LINGO2: variants seen among roughly 807,000 people sequenced by gnomAD.
The protein encoded by LINGO2 is leucine rich repeat and Ig domain containing 2, also known as leucine-rich repeat and immunoglobulin-like domain-containing nogo receptor-interacting protein 2.
Under a neutral mutation model 30.6 loss-of-function variants are expected in LINGO2, and 14 were observed. That is an observed-to-expected ratio of 0.46 (90% CI 0.30 to 0.72). The LOEUF is 0.72. LINGO2 is among the 30% of genes least tolerant of loss of function. The pLI is 0.07. For synonymous variants in LINGO2, 317 were observed against 288.5 expected, an observed-to-expected ratio of 1.10 and a Z score of -1.00; for missense variants, 729 against 751.7, an observed-to-expected ratio of 0.97 and a Z score of 0.35.
At chr9:28,152,225 T>C (rs1530912) in intron 4 of LINGO2, among the ~76,000 whole-genome samples, 151,402 of 152,218 alleles carry the variant, frequency 0.99, 75,301 homozygotes, top group Middle Eastern at 1. Context: ...GTTCAGGGTT[T>C]GGGGAGGCAG....
the LINGO2 span, among the ~76,000 whole-genome samples, chr9:28,867,721 A>G: frequency 2.0e-5 from 3 of 152,180 alleles, no homozygotes; most frequent in Non-Finnish European, 4.4e-5. Context: ...AAAAAGTGTA[A>G]TCTGTCCAAG....
At chr9:28,780,955 G>A in the LINGO2 span, among the ~76,000 whole-genome samples, 7 of 151,198 alleles carry the variant, frequency 4.6e-5, no homozygotes, top group Non-Finnish European at 1.0e-4. Context: ...GAGAGAGTAG[G>A]AAATTACAGT....
chr9:28,934,621 T>G, the LINGO2 span, among the ~76,000 whole-genome samples: 1 of 152,206 alleles, frequency 6.6e-6, no homozygotes, highest in East Asian at 1.9e-4. Context: ...GGTAGGTCAA[T>G]GTACAGTTTC....
At chr9:29,098,265 G>A in the LINGO2 span, among the ~76,000 whole-genome samples, 2 of 152,078 alleles carry the variant, frequency 1.3e-5, no homozygotes, top group Admixed American at 6.6e-5. Context: ...TATTGCTCCT[G>A]GAGTCTCATC....
intron 3 of LINGO2, among the ~76,000 whole-genome samples, chr9:28,352,220 T>G (rs1587520834): frequency 1.3e-5 from 2 of 152,006 alleles, no homozygotes; most frequent in Admixed American, 6.6e-5. Flanking sequence ...TGTCCCTGTT[T>G]GCAGACGAAA....
intron 2 of LINGO2, among the ~76,000 whole-genome samples, chr9:28,420,410 A>G (rs895965811): frequency 3.7e-4 from 57 of 152,074 alleles, no homozygotes; most frequent in African/African-American, 1.3e-3. Flanking sequence ...TTGCTGGCTC[A>G]CTAAAAGACT....
At chr9:28,545,590 T>C (rs1207747905) in intron 1 of LINGO2, among the ~76,000 whole-genome samples, 1 of 151,968 alleles carries the variant, frequency 6.6e-6, no homozygotes, top group African/African-American at 2.4e-5. Flanking sequence ...CAAAGAAGTA[T>C]GTATTTAGTT....
At chr9:29,010,443 A>T in the LINGO2 span, among the ~76,000 whole-genome samples, 9 of 152,310 alleles carry the variant, frequency 5.9e-5, no homozygotes, top group East Asian at 1.7e-3. Flanking sequence ...TTAGCAAAGG[A>T]TGATAAGAAA....
chr9:28,086,448 A>T (rs961806238), intron 4 of LINGO2, among the ~76,000 whole-genome samples: 4 of 152,046 alleles, frequency 2.6e-5, no homozygotes, highest in African/African-American at 9.7e-5. Context: ...TCCTTTCCAA[A>T]CACCTGCAAT....
chr9:28,516,228 G>C lies in LINGO2; in HGVS notation c.-364-40203C>G, dbSNP rs145751445. On this transcript the variant is annotated intron_variant, in intron 1 of 5. Coordinates refer to ENST00000379992, the Ensembl canonical transcript of LINGO2. Reference sequence around the variant, plus strand: ...TGTGTTGTCCCAGAACTGAGCCTGTGCTATCTCTGAGGTACGCCTGTATAT... The same window carrying C: ...TGTGTTGTCCCAGAACTGAGCCTGTCCTATCTCTGAGGTACGCCTGTATAT... Among the ~76,000 whole-genome samples, 73 of 152,232 alleles carry C rather than the reference G, an allele frequency of 4.8e-4. No individual in the cohort carries two copies. In the East Asian group the frequency reaches 0.011, roughly 22 times the overall value.
At position 28,072,308 on chromosome 9, in the gene LINGO2, A is replaced by T. The variant is rs1434238051; in HGVS notation, c.-86-59903T>A. Among the ~76,000 whole-genome samples the T allele has an allele frequency of 2.0e-5, 3 of 152,196 alleles. No individual in the cohort carries two copies. In the East Asian group the frequency reaches 5.8e-4, roughly 29 times the overall value. ...AAATGCAGCTGCAAGCACACATTTC[A>T]ACCTTCTTTAGGGGTGTTCCCAAGA... On this transcript the variant is annotated intron_variant, in intron 4 of 5. Transcript: ENST00000379992.
chr9:28,182,455 T>C (rs1156986262), intron 4 of LINGO2, among the ~76,000 whole-genome samples: 4 of 152,104 alleles, frequency 2.6e-5, no homozygotes, highest in African/African-American at 9.7e-5. Context: ...CAAGCCAAAA[T>C]TGATAAATGG....
the LINGO2 span, among the ~76,000 whole-genome samples, chr9:28,906,167 G>C: frequency 6.6e-6 from 1 of 151,946 alleles, no homozygotes; most frequent in East Asian, 1.9e-4. Flanking sequence ...AGGCTGGGGA[G>C]ATGTGGGTCA....
the LINGO2 span, among the ~76,000 whole-genome samples, chr9:29,154,407 G>A: frequency 1.7e-4 from 24 of 141,076 alleles, no homozygotes; most frequent in East Asian, 6.3e-4. Flanking sequence ...CGGAGATCGC[G>A]CCACTGCATT....
intron 5 of LINGO2, among the ~76,000 whole-genome samples, chr9:27,989,479 A>G (rs994719840): frequency 9.0e-5 from 13 of 144,870 alleles, no homozygotes; most frequent in South Asian, 4.4e-4. Context: ...GTGTGTGTGT[A>G]TGTGTGCAGG....
At chr9:28,665,744 T>A (rs749802315) in intron 1 of LINGO2, among the ~76,000 whole-genome samples, 2 of 152,160 alleles carry the variant, frequency 1.3e-5, no homozygotes, top group Non-Finnish European at 1.5e-5. Context: ...ATTTAAGCTA[T>A]GCAGATGAAT....
chr9:29,132,219 G>A, the LINGO2 span, among the ~76,000 whole-genome samples: 3 of 152,066 alleles, frequency 2.0e-5, no homozygotes, highest in African/African-American at 7.2e-5. Context: ...TCGAGGGGGG[G>A]AAATGAGGCA....
At chr9:28,301,334 C>T (rs1431853046) in intron 3 of LINGO2, among the ~76,000 whole-genome samples, 3 of 151,480 alleles carry the variant, frequency 2.0e-5, no homozygotes, top group African/African-American at 7.3e-5. Flanking sequence ...GTCCCATTTC[C>T]ACTGCCTTTG....
the LINGO2 span, among the ~76,000 whole-genome samples, chr9:28,696,549 T>A: frequency 6.6e-6 from 1 of 151,764 alleles, no homozygotes; most frequent in Non-Finnish European, 1.5e-5. Context: ...CTCATGAAAA[T>A]CAGGAAAATT....
Sources: gnomAD v4.1 joint callset for allele counts (sites outside exome capture counted in the v4.1 genomes callset) on GRCh38, gnomAD v4.1.1 for gene constraint, MANE v1.5 for transcripts, NCBI Gene and HGNC (gene_info 2026-07-23, HGNC 2026-07-21) for gene names.